The following MMP15 variants were observed in gnomAD, a reference collection of about 807,000 sequenced individuals.
MMP15 encodes the protein matrix metalloproteinase-15.
MMP15 carries 36 observed loss-of-function variants against 65.0 expected under a neutral mutation model. The observed-to-expected ratio is 0.55, with a 90% CI of 0.42 to 0.73. The LOEUF is 0.73. Among genes scored for constraint, MMP15 ranks in the 30% least tolerant of loss-of-function variants. The pLI is 0.00. For synonymous variants in MMP15, 428 were observed against 410.2 expected (o/e 1.04, Z -0.52); for missense variants, 870 against 987.8 (o/e 0.88, Z 1.60).
rs1187288153 is a variant in MMP15, at chr16:58,039,901, G to A, written c.467G>A (p.Gly156Asp). 1 of 1,607,680 alleles carries A rather than the reference G, an allele frequency of 6.2e-7. No homozygotes were observed. Among genetic ancestry groups the A allele is most frequent in the South Asian group, 1.1e-5 (1 of 90,938 alleles). Residue 156 changes from glycine (G) to aspartate (D), a missense_variant, in exon 4 of 10, where the codon GGC becomes GAC. Coordinates refer to ENST00000219271, the MANE Select transcript of MMP15 (RefSeq NM_002428.4). The part of the protein sequence containing the change: ...FSIQNYTEKL[G>D]WYHSMEAVRR... ...ATCCAGAACTACACGGAGAAGTTGG[G>A]CTGGTACCACTCGATGGAGGCGGTG...
chr16:58,045,818 T>C lies in MMP15; in HGVS notation c.*372T>C, dbSNP rs1035430423. ...CAGGGCTGTAACTGCCAGGCTCTCT[T>C]TGCCCAGTTGGAGACTGTCTGGCCC... is the stretch of plus-strand genomic sequence containing the variant. On this transcript the variant is annotated 3_prime_UTR_variant, in exon 10 of 10. Coordinates refer to ENST00000219271, the MANE Select transcript of MMP15 (RefSeq NM_002428.4). 2.2e-5 allele frequency: 5 copies of C among 225,738 alleles called. No homozygotes were observed. Among genetic ancestry groups the C allele is most frequent in the Non-Finnish European group, 4.3e-5 (5 of 115,050 alleles). 14.0% of individuals were successfully genotyped at this position (225,738 alleles called of 1,614,324 possible).
intron 8 of MMP15, 37 bp from the exon 9 acceptor site, chr16:58,043,475 G>A: frequency 6.2e-7 from 1 of 1,609,102 alleles, no homozygotes; most frequent in South Asian, 1.1e-5. Flanking sequence ...GCCCAAGCAG[G>A]ATCTCTAGGT....
chr16:58,033,775 T>C (rs529752710), intron 1 of MMP15, among the ~76,000 whole-genome samples: 1 of 152,332 alleles, frequency 6.6e-6, no homozygotes, highest in East Asian at 1.9e-4. Context: ...TGGTGGCACA[T>C]GCCTGCAGTC....
At chr16:58,036,495 G>A (rs1331051230) in intron 1 of MMP15, among the ~76,000 whole-genome samples, 2 of 152,208 alleles carry the variant, frequency 1.3e-5, no homozygotes, top group Admixed American at 1.3e-4. Context: ...GGTGGTGGAT[G>A]GATGAGAAGA....
intron 1 of MMP15, among the ~76,000 whole-genome samples, chr16:58,033,127 C>G (rs1959265801): frequency 1.3e-5 from 2 of 152,242 alleles, no homozygotes; most frequent in South Asian, 4.1e-4. Context: ...TACACCAACC[C>G]TCTCAGCAGC....
In MMP15 at chr16:58,046,371, G is replaced by GC. The variant is rs1347581244; in HGVS notation, c.*925_*926insC. ...AGGGGGCTGGTGGGTGCCTAGGCCTGGGCAGTGGATGGCCGTGAATGGGTG... is the reference window on the plus strand; with the variant it reads ...AGGGGGCTGGTGGGTGCCTAGGCCTGCGGCAGTGGATGGCCGTGAATGGGTG... On this transcript the variant is annotated 3_prime_UTR_variant, in exon 10 of 10. Transcript: ENST00000219271. 6.5e-6 allele frequency: 1 copy of GC among 152,866 alleles called. No homozygotes were observed. Among genetic ancestry groups the GC allele is most frequent in the Non-Finnish European group, 1.5e-5 (1 of 68,570 alleles). The allele number at this position is 152,866 out of a possible 1,614,324, so 9.5% of individuals were successfully genotyped here.
At chr16:58,043,753 G>A (rs149845275) in intron 9 of MMP15, 126 bp downstream of exon 9, 7 of 669,482 alleles carry the variant, frequency 1.0e-5, no homozygotes, top group South Asian at 2.2e-5. Context: ...GCTGTGTCAC[G>A]CTCTGGGCTG....
rs1959553295 is a variant in MMP15, at chr16:58,045,729, C to T, written c.*283C>T. On this transcript the variant is annotated 3_prime_UTR_variant, in exon 10 of 10. Transcript: ENST00000219271. ...CCCCCATCATCCTCTGGCTTGGCCA[C>T]AGCCAGGGGAGCAGAGGGGCAGAGG... 3 of 434,926 alleles carry T rather than the reference C, an allele frequency of 6.9e-6. No individual in the cohort carries two copies. The highest frequency in any genetic ancestry group is 8.1e-6 in the Non-Finnish European group (2 of 245,852). The allele number at this position is 434,926 out of a possible 1,614,324, so 26.9% of individuals were successfully genotyped here. A position where few individuals can be genotyped will look rare whatever the true frequency, so the allele number is the denominator to read the frequency against.
chr16:58,040,814 A>C (rs1235598820), intron 5 of MMP15, 116 bp downstream of exon 5: 3 of 1,427,556 alleles, frequency 2.1e-6, no homozygotes, highest in Non-Finnish European at 2.9e-6. Flanking sequence ...CTCAGTGAGG[A>C]TTAGTGACTT....
At chr16:58,037,387 G>T in intron 1 of MMP15, 85 bp from the exon 2 acceptor site, 2 of 1,525,616 alleles carry the variant, frequency 1.3e-6, no homozygotes, top group East Asian at 4.5e-5. Flanking sequence ...GGTGGTGGAG[G>T]TGGTGGGAAG....
chr16:58,032,539 C>A (rs538699491), intron 1 of MMP15, among the ~76,000 whole-genome samples: 2 of 152,318 alleles, frequency 1.3e-5, no homozygotes, highest in South Asian at 4.1e-4. Context: ...GGTATTGGGG[C>A]CACCCAGCTG....
At chr16:58,033,469 A>G (rs1406777183) in intron 1 of MMP15, among the ~76,000 whole-genome samples, 1 of 152,226 alleles carries the variant, frequency 6.6e-6, no homozygotes, top group African/African-American at 2.4e-5. Context: ...TGGCTGGCCC[A>G]TGCCAGACTC....
At chr16:58,033,448 G>A (rs1959270898) in intron 1 of MMP15, among the ~76,000 whole-genome samples, 1 of 152,220 alleles carries the variant, frequency 6.6e-6, no homozygotes. Flanking sequence ...TTCAGTGGGG[G>A]CTGGAATGGG....
intron 6 of MMP15, 92 bp downstream of exon 6, chr16:58,041,962 C>A: frequency 7.0e-7 from 1 of 1,419,850 alleles, no homozygotes; most frequent in Non-Finnish European, 9.4e-7. Context: ...CCCCGGGGAG[C>A]CATTAAGCCC....
At chr16:58,043,086 T>C in intron 7 of MMP15, 124 bp from the exon 8 acceptor site, 1 of 913,190 alleles carries the variant, frequency 1.1e-6, no homozygotes, top group Admixed American at 3.1e-5. Flanking sequence ...GACCTCATTG[T>C]ATGTTGTCTT....
intron 7 of MMP15, 128 bp downstream of exon 7, chr16:58,042,497 ACTCTG>A: frequency 7.5e-7 from 1 of 1,329,484 alleles, no homozygotes; most frequent in Non-Finnish European, 1.0e-6. Context: ...CTGTGGGCTC[ACTCTG>A]GGAGGATGAG....
At chr16:58,038,544 C>G in intron 3 of MMP15, 150 bp downstream of exon 3, 1 of 1,040,048 alleles carries the variant, frequency 9.6e-7, no homozygotes, top group Non-Finnish European at 1.4e-6. Flanking sequence ...GGCAGTCTCC[C>G]TCGAGGGAAG....
intron 1 of MMP15, among the ~76,000 whole-genome samples, chr16:58,033,746 T>G (rs1959278705): frequency 6.6e-6 from 1 of 151,936 alleles, no homozygotes; most frequent in Non-Finnish European, 1.5e-5. Flanking sequence ...CTACCAAAAA[T>G]AGAAAAATTA....
chr16:58,026,019 C>G lies in MMP15; in HGVS notation c.-332C>G, dbSNP rs556823884. On this transcript the variant is annotated 5_prime_UTR_variant, in exon 1 of 10. Transcript: ENST00000219271. ...AGGGAGCGCCGCGGGACCGGGCGGC[C>G]GGAGCGCTGAGCCAGACAAAGGCTC... The G allele has an allele frequency of 2.9e-4, 58 of 202,142 alleles. 1 individual carries two copies. In the Middle Eastern group the frequency reaches 5.3e-3, roughly 19 times the overall value. 12.5% of individuals were successfully genotyped at this position (202,142 alleles called of 1,614,324 possible). A position where few individuals can be genotyped will look rare whatever the true frequency, so the allele number is the denominator to read the frequency against.
Sources: allele counts gnomAD v4.1 joint callset (sites outside exome capture counted in the v4.1 genomes callset), GRCh38; gene constraint gnomAD v4.1.1; transcripts MANE v1.5; gene names NCBI Gene and HGNC (gene_info 2026-07-23, HGNC 2026-07-21).